HNRNPM: variants seen among roughly 807,000 people sequenced by gnomAD.
The protein encoded by HNRNPM is heterogeneous nuclear ribonucleoprotein M.
In HNRNPM, 11 loss-of-function variants were observed where a neutral mutation model predicts 73.1. That is an observed-to-expected ratio of 0.15 (90% CI 0.09 to 0.25). HNRNPM has a LOEUF of 0.25. Among genes scored for constraint, HNRNPM ranks in the 10% least tolerant of loss-of-function variants. HNRNPM has a pLI of 1.00. For synonymous variants in HNRNPM, 407 were observed against 355.2 expected, an observed-to-expected ratio of 1.15 and a Z score of -1.64; for missense variants, 789 against 1,067.9, an observed-to-expected ratio of 0.74 and a Z score of 3.64.
Position 8,450,727 on chromosome 19 carries a change from ATT to A in HNRNPM, c.114-4665_114-4664del, listed in dbSNP as rs770745543. Among the ~76,000 whole-genome samples, 81 of 125,394 alleles carry A rather than the reference ATT, an allele frequency of 6.5e-4. 2 individuals are homozygous for A. Among genetic ancestry groups the A allele is most frequent in the South Asian group, 4.2e-3 (17 of 4,074 alleles). 82.3% of individuals were successfully genotyped at this position (125,394 alleles called of 152,430 possible). A position where few individuals can be genotyped will look rare whatever the true frequency, so the allele number is the denominator to read the frequency against. ...AATTTAATTAATTATTATTATTATT[ATT>A]TTTTTTTTTTTTGAGATGGAGTTTT... On this transcript the variant is annotated intron_variant, in intron 1 of 15. Coordinates refer to ENST00000325495, the MANE Select transcript of HNRNPM (RefSeq NM_005968.5).
intron 12 of HNRNPM, among the ~76,000 whole-genome samples, chr19:8,474,815 A>G (rs901264992): frequency 1.3e-5 from 2 of 151,532 alleles, no homozygotes; most frequent in East Asian, 3.9e-4. Context: ...CCCAGGTTCA[A>G]GTGATTCTCC....
chr19:8,486,373 G>A lies in HNRNPM; in HGVS notation c.1945G>A (p.Ala649Thr). The change falls in exon 14 of 16, where the codon GCC (alanine) becomes ACC (threonine). Residue 649 changes from alanine (A) to threonine (T), a missense_variant. By Grantham distance (58) the Ala-to-Thr change is moderately conservative (BLOSUM62 0). This residue lies in a region of HNRNPM where 604 missense variants were observed against 744.0 expected (regional missense o/e 0.81). Coordinates refer to ENST00000325495, the MANE Select transcript of HNRNPM (RefSeq NM_005968.5). ...AGCTGGAGGCCATGCTCCTGGGGTGGCCAGGAAGGCCTGCCAGATATTTGT... is the reference window on the plus strand; with the variant it reads ...AGCTGGAGGCCATGCTCCTGGGGTGACCAGGAAGGCCTGCCAGATATTTGT... ...GGAGGHAPGV[A>T]RKACQIFVRN... is the part of the protein sequence containing the mutation. 2 of 1,577,050 alleles carry A rather than the reference G, an allele frequency of 1.3e-6. No individual in the cohort carries two copies. Among genetic ancestry groups the A allele is most frequent in the Non-Finnish European group, 1.7e-6 (2 of 1,168,302 alleles).
intron 1 of HNRNPM, among the ~76,000 whole-genome samples, chr19:8,452,952 C>G (rs1034747496): frequency 2.6e-5 from 4 of 151,552 alleles, no homozygotes; most frequent in Non-Finnish European, 5.9e-5. Flanking sequence ...GCCATCCTCT[C>G]AGCTCAGCCT....
chr19:8,458,652 A>C (rs1969189235), intron 2 of HNRNPM, among the ~76,000 whole-genome samples: 1 of 152,272 alleles, frequency 6.6e-6, no homozygotes, highest in South Asian at 2.1e-4. Context: ...AGTCGATCCG[A>C]AGTTTAGCAG....
intron 1 of HNRNPM, among the ~76,000 whole-genome samples, chr19:8,455,025 A>T (rs955607237): frequency 6.6e-6 from 1 of 152,024 alleles, no homozygotes; most frequent in African/African-American, 2.4e-5. Context: ...CCTAGGCTGG[A>T]GTGCAGTAGG....
At chr19:8,476,243 C>G (rs1025728176) in intron 12 of HNRNPM, among the ~76,000 whole-genome samples, 1 of 152,194 alleles carries the variant, frequency 6.6e-6, no homozygotes, top group Non-Finnish European at 1.5e-5. Flanking sequence ...AACAGGGACT[C>G]CTTCCCACTT....
At chr19:8,453,994 C>T (rs561210917) in intron 1 of HNRNPM, among the ~76,000 whole-genome samples, 144 of 152,320 alleles carry the variant, frequency 9.5e-4, no homozygotes, top group African/African-American at 3.0e-3. Context: ...TGCTGTCTTC[C>T]ACCTCCCAGG....
At chr19:8,461,850 A>T (rs537972987) in intron 2 of HNRNPM, 1 of 152,274 alleles carries the variant, frequency 6.6e-6, no homozygotes, top group South Asian at 2.1e-4. Flanking sequence ...GCCTCTACAG[A>T]TGTGGAGCCT....
At chr19:8,463,015 G>T (rs1259440611) in intron 3 of HNRNPM, among the ~76,000 whole-genome samples, 1 of 152,214 alleles carries the variant, frequency 6.6e-6, no homozygotes, top group Non-Finnish European at 1.5e-5. Flanking sequence ...CCAGTAAATT[G>T]TAAACCAAAT....
At chr19:8,461,377 G>T (rs955885868) in intron 2 of HNRNPM, among the ~76,000 whole-genome samples, 1 of 152,160 alleles carries the variant, frequency 6.6e-6, no homozygotes, top group African/African-American at 2.4e-5. Flanking sequence ...TGTTGAGGCC[G>T]TTAAGCGGGT....
At chr19:8,469,643 A>G (rs1325925865) in intron 9 of HNRNPM, among the ~76,000 whole-genome samples, 3 of 152,262 alleles carry the variant, frequency 2.0e-5, no homozygotes, top group Non-Finnish European at 2.9e-5. Flanking sequence ...TAGATAAGCC[A>G]GAGGCTGGAA....
At chr19:8,454,780 A>T (rs1192755733) in intron 1 of HNRNPM, among the ~76,000 whole-genome samples, 1 of 145,748 alleles carries the variant, frequency 6.9e-6, no homozygotes, top group Non-Finnish European at 1.5e-5. Flanking sequence ...ATGAAGTCTT[A>T]GAAATCATCC....
chr19:8,461,024 A>G (rs1171379693), intron 2 of HNRNPM, among the ~76,000 whole-genome samples: 1 of 152,222 alleles, frequency 6.6e-6, no homozygotes, highest in Non-Finnish European at 1.5e-5. Flanking sequence ...ATCATTTTTC[A>G]GTTTGCCCCA....
intron 5 of HNRNPM, among the ~76,000 whole-genome samples, chr19:8,464,006 C>CTTGGCCCA (rs1969569668): frequency 6.6e-6 from 1 of 152,184 alleles, no homozygotes. Flanking sequence ...GACCCTTCTT[C>CTTGGCCCA]TTGGCCCATC....
At chr19:8,475,597 C>T (rs1970444972) in intron 12 of HNRNPM, among the ~76,000 whole-genome samples, 1 of 152,200 alleles carries the variant, frequency 6.6e-6, no homozygotes, top group African/African-American at 2.4e-5. Context: ...TTGCCCTCTT[C>T]ATGGGTGCCT....
At chr19:8,445,775 G>C (rs367773881) in intron 1 of HNRNPM, among the ~76,000 whole-genome samples, 17 of 152,390 alleles carry the variant, frequency 1.1e-4, no homozygotes, top group South Asian at 6.2e-4. Flanking sequence ...TCCTCCCCGG[G>C]TGCGCCGCAG....
chr19:8,451,394 A>T (rs17160495), intron 1 of HNRNPM, among the ~76,000 whole-genome samples: 35,169 of 152,174 alleles, frequency 0.23, 5,066 homozygotes, highest in East Asian at 0.5. Flanking sequence ...GTATACATAT[A>T]CATGGACTAG....
At chr19:8,487,139 G>T in intron 15 of HNRNPM, 64 bp downstream of exon 15, 1 of 1,384,692 alleles carries the variant, frequency 7.2e-7, no homozygotes, top group Non-Finnish European at 1.0e-6. Flanking sequence ...AGCCGAGTCA[G>T]CAGCAAAACC....
chr19:8,488,599 C>T (rs1446646524), intron 15 of HNRNPM, 92 bp from the exon 16 acceptor site: 5 of 1,167,640 alleles, frequency 4.3e-6, no homozygotes, highest in Non-Finnish European at 2.4e-6. Flanking sequence ...CCTTTGTGCT[C>T]TAGGCTTCAG....
Sources: allele counts gnomAD v4.1 joint callset (sites outside exome capture counted in the v4.1 genomes callset), GRCh38; gene constraint gnomAD v4.1.1; regional missense constraint gnomAD v4.1.1; transcripts MANE v1.5; gene names NCBI Gene and HGNC (gene_info 2026-07-23, HGNC 2026-07-21).